C14orf39: variants seen among roughly 807,000 people sequenced by gnomAD.
C14orf39 encodes chromosome 14 open reading frame 39, also known as protein SIX6OS1.
A neutral mutation model predicts 85.6 loss-of-function variants in C14orf39; 66 were observed. The ratio of observed to expected loss-of-function variants is 0.77; its 90% CI spans 0.63 to 0.95. The LOEUF (loss-of-function observed/expected upper bound fraction) is 0.95, where lower values mean the gene tolerates loss of function less well. Ranked by LOEUF, C14orf39 falls within the 40% of genes least tolerant of loss-of-function variation. The pLI, the probability that C14orf39 is intolerant of heterozygous loss-of-function variation, is 0.00. For missense variants in C14orf39, 735 were observed against 663.9 expected (o/e 1.11, Z -1.18); for synonymous variants, 242 against 214.0 (o/e 1.13, Z -1.14).
chr14:60,482,720 A>G (rs1379647903), intron 4 of C14orf39, among the ~76,000 whole-genome samples: 2 of 152,232 alleles, frequency 1.3e-5, no homozygotes, highest in Admixed American at 6.5e-5. Context: ...AACAGGCTAC[A>G]TCAATACCAG....
In C14orf39 at chr14:60,454,680, T is replaced by C. The variant is rs189542033; in HGVS notation, c.1503+321A>G. 5.3e-5 allele frequency among the ~76,000 whole-genome samples: 8 copies of C among 152,122 alleles called. No homozygotes were observed. In the East Asian group the frequency reaches 1.2e-3, roughly 22 times the overall value. ...AAAGACCCATTTATAATATGGAACA[T>C]TTTTTATGTTGAGAATTCTAGTTTG... On this transcript the variant is annotated intron_variant, in intron 16 of 17. Transcript: ENST00000321731.
chr14:60,460,389 G>A, intron 13 of C14orf39, among the ~76,000 whole-genome samples: 1 of 151,668 alleles, frequency 6.6e-6, no homozygotes, highest in African/African-American at 2.4e-5. Flanking sequence ...ATATCTGTGT[G>A]GAATAAGCAT....
chr14:60,448,843 A>C (rs889658814), intron 16 of C14orf39, among the ~76,000 whole-genome samples: 2 of 152,362 alleles, frequency 1.3e-5, no homozygotes. Context: ...TACACCATGG[A>C]ATACTATGCA....
intron 1 of C14orf39, among the ~76,000 whole-genome samples, chr14:60,500,723 G>C (rs1455091516): frequency 1.3e-5 from 2 of 152,146 alleles, no homozygotes; most frequent in Non-Finnish European, 2.9e-5. Flanking sequence ...TGTGCATAGA[G>C]AAAAACGTCC....
intron 5 of C14orf39, among the ~76,000 whole-genome samples, chr14:60,477,358 C>G (rs1012494198): frequency 3.3e-5 from 5 of 151,884 alleles, no homozygotes; most frequent in African/African-American, 1.2e-4. Context: ...AGATTTTGCA[C>G]GTTTTAGTTA....
intron 3 of C14orf39, 38 bp from the exon 4 acceptor site, chr14:60,483,855 T>G: frequency 7.3e-7 from 1 of 1,377,868 alleles, no homozygotes. Flanking sequence ...AATGTAGAAA[T>G]AATAAGTTCA....
At chr14:60,475,155 C>T (rs1892309608) in intron 5 of C14orf39, among the ~76,000 whole-genome samples, 1 of 152,110 alleles carries the variant, frequency 6.6e-6, no homozygotes, top group Non-Finnish European at 1.5e-5. Context: ...AGGAATTTAT[C>T]CATTTCTTCT....
intron 2 of C14orf39, among the ~76,000 whole-genome samples, chr14:60,493,374 G>A (rs764164009): frequency 2.0e-5 from 3 of 152,062 alleles, no homozygotes; most frequent in Non-Finnish European, 2.9e-5. Flanking sequence ...GATCTTGTCC[G>A]TTTACCCAAA....
At chr14:60,496,107 G>T in intron 2 of C14orf39, 1 of 592,798 alleles carries the variant, frequency 1.7e-6, no homozygotes, top group Non-Finnish European at 3.1e-6. Context: ...ACTGAGCAAA[G>T]CCACAGCTGC....
intron 5 of C14orf39, among the ~76,000 whole-genome samples, chr14:60,473,067 T>C (rs1892182215): frequency 6.6e-6 from 1 of 152,194 alleles, no homozygotes; most frequent in Non-Finnish European, 1.5e-5. Flanking sequence ...CCAGCACCTG[T>C]TGTTTCCTGA....
chr14:60,502,212 T>C (rs1174035937), intron 1 of C14orf39, among the ~76,000 whole-genome samples: 2 of 152,212 alleles, frequency 1.3e-5, no homozygotes, highest in Non-Finnish European at 2.9e-5. Context: ...TATCTTTATC[T>C]ATCTCACAGT....
intron 2 of C14orf39, chr14:60,495,089 T>C: frequency 4.1e-6 from 1 of 241,100 alleles, no homozygotes; most frequent in Non-Finnish European, 8.6e-6. Context: ...CCAAGGTGTG[T>C]CTTCAAGTTG....
chr14:60,480,723 T>C (rs1892600831), intron 4 of C14orf39, among the ~76,000 whole-genome samples: 4 of 152,112 alleles, frequency 2.6e-5, no homozygotes, highest in South Asian at 2.1e-4. Flanking sequence ...CAAGAGATGA[T>C]GGATAATGAA....
intron 1 of C14orf39, chr14:60,509,312 C>A (rs1594631053): frequency 1.7e-6 from 2 of 1,167,624 alleles, no homozygotes; most frequent in Non-Finnish European, 2.5e-6. Context: ...CATCAACAAG[C>A]GCCTGGCACA....
At chr14:60,464,814 T>G (rs1891707155) in intron 11 of C14orf39, among the ~76,000 whole-genome samples, 1 of 152,120 alleles carries the variant, frequency 6.6e-6, no homozygotes, top group Non-Finnish European at 1.5e-5. Flanking sequence ...TAATGGGAGT[T>G]TAAACCAGTC....
chr14:60,440,342 C>T (rs1890449730), intron 17 of C14orf39, among the ~76,000 whole-genome samples: 1 of 152,160 alleles, frequency 6.6e-6, no homozygotes, highest in African/African-American at 2.4e-5. Context: ...TTAGAGCCTT[C>T]CATATTTCTA....
intron 1 of C14orf39, among the ~76,000 whole-genome samples, chr14:60,510,481 C>T (rs922279585): frequency 2.6e-5 from 4 of 152,236 alleles, no homozygotes; most frequent in African/African-American, 9.6e-5. Context: ...CCATGCGCTG[C>T]CTGCCACTCT....
intron 1 of C14orf39, 104 bp from the exon 2 acceptor site, chr14:60,485,190 T>C (rs900098825): frequency 2.1e-6 from 2 of 945,004 alleles, no homozygotes; most frequent in Non-Finnish European, 3.2e-6. Flanking sequence ...CACAGGAACA[T>C]GTGGGCAGAG....
intron 16 of C14orf39, among the ~76,000 whole-genome samples, chr14:60,448,253 G>T (rs1890870689): frequency 6.6e-6 from 1 of 152,132 alleles, no homozygotes; most frequent in South Asian, 2.1e-4. Flanking sequence ...AGAGTGAACA[G>T]GCAACCTACA....
Sources: allele counts gnomAD v4.1 joint callset (sites outside exome capture counted in the v4.1 genomes callset), GRCh38; gene constraint gnomAD v4.1.1; transcripts MANE v1.5; gene names NCBI Gene and HGNC (gene_info 2026-07-23, HGNC 2026-07-21).